The following CCNJL variants were observed in gnomAD, a reference collection of about 807,000 sequenced individuals.
The protein encoded by CCNJL is cyclin J like.
Under a neutral mutation model 33.4 loss-of-function variants are expected in CCNJL, and 33 were observed. The ratio of observed to expected loss-of-function variants is 0.99; its 90% confidence interval spans 0.75 to 1.32. The LOEUF is 1.32. Ranked by LOEUF, CCNJL falls within the 40% of genes most tolerant of loss-of-function variation. The probability of loss-of-function intolerance (pLI) is 0.00; values close to 1 mark genes in which losing one functional copy is unlikely to be tolerated. For missense variants in CCNJL, 512 were observed against 499.7 expected, an observed-to-expected ratio of 1.02 and a Z score of -0.23; for synonymous variants, 227 against 220.9, an observed-to-expected ratio of 1.03 and a Z score of -0.24.
At chr5:160,330,766 C>T (rs1442906487) in intron 1 of CCNJL, among the ~76,000 whole-genome samples, 14 of 151,964 alleles carry the variant, frequency 9.2e-5, no homozygotes, top group Admixed American at 9.2e-4. Context: ...TGGGTTCAAG[C>T]AGTTCTCCTG....
intron 2 of CCNJL, among the ~76,000 whole-genome samples, chr5:160,290,932 G>A (rs2113388678): frequency 6.6e-6 from 1 of 151,480 alleles, no homozygotes; most frequent in Non-Finnish European, 1.5e-5. Context: ...GCAGGGGCTG[G>A]GTGCAGTGAC....
intron 2 of CCNJL, among the ~76,000 whole-genome samples, chr5:160,288,849 A>G (rs1762493860): frequency 6.6e-6 from 1 of 151,818 alleles, no homozygotes. Context: ...AAAAAAAAAA[A>G]AAAGAATAAC....
At chr5:160,279,790 C>T (rs1429999812) in intron 3 of CCNJL, among the ~76,000 whole-genome samples, 1 of 152,162 alleles carries the variant, frequency 6.6e-6, no homozygotes. Flanking sequence ...GGCAAAGAGG[C>T]AGGAACTCAA....
chr5:160,317,915 C>G (rs1447738790), upstream of CCNJL, among the ~76,000 whole-genome samples: 5 of 152,124 alleles, frequency 3.3e-5, no homozygotes. Context: ...ACTGGAGTCC[C>G]TTGTTCTTCC....
At position 160,259,590 on chromosome 5, in the gene CCNJL, G is replaced by A; in HGVS notation, c.462C>T (p.Tyr154=). The A allele has an allele frequency of 6.2e-7, 1 of 1,614,220 alleles. No individual in the cohort carries two copies. The highest frequency in any genetic ancestry group is 8.5e-7 in the Non-Finnish European group (1 of 1,180,038). Residue 154 remains tyrosine (Y), a synonymous_variant, in exon 4 of 6, where the codon TAC becomes TAT. Transcript: ENST00000257536. ...CCTTCTGGCTGACGGAGGCCAAGAG[G>A]TAGTAGTCCAGGAAGTGGGCAGGCG... ...LPTPAHFLDY[Y]LLASVSQKDH... is the part of the protein sequence containing the mutation.
chr5:160,287,834 T>C (rs1052037601), intron 2 of CCNJL, among the ~76,000 whole-genome samples: 3 of 151,510 alleles, frequency 2.0e-5, no homozygotes, highest in Admixed American at 1.3e-4. Flanking sequence ...TCAGCATGCC[T>C]GGCAGGGCCA....
At chr5:160,300,636 G>T (rs1212015897) in intron 2 of CCNJL, among the ~76,000 whole-genome samples, 1 of 152,062 alleles carries the variant, frequency 6.6e-6, no homozygotes, top group Non-Finnish European at 1.5e-5. Context: ...AAAGCCAAAA[G>T]ATTGGACACC....
At chr5:160,337,801 G>C (rs148875098) in intron 1 of CCNJL, among the ~76,000 whole-genome samples, 1 of 152,308 alleles carries the variant, frequency 6.6e-6, no homozygotes, top group East Asian at 1.9e-4. Context: ...ATGTGAACCT[G>C]AAAGAACCAA....
At chr5:160,315,740 C>A (rs1280857549), upstream of CCNJL, among the ~76,000 whole-genome samples, 2 of 151,946 alleles carry the variant, frequency 1.3e-5, no homozygotes, top group Non-Finnish European at 2.9e-5. Context: ...TATTTCATAA[C>A]CAGAAAAAAA....
In CCNJL at chr5:160,253,795, C is replaced by T; in HGVS notation, c.747G>A (p.Val249=). ...LSTCIEILLV[V]YDNVLKDAVA... ...CGGCATCCTTGAGGACGTTGTCATA[C>T]ACTCTGAAACGAGAAGACCTGGGTG... Residue 249 remains valine (V), a synonymous_variant, in exon 6 of 6, where the codon GTG becomes GTA. Coordinates refer to ENST00000257536, the MANE Select transcript of CCNJL (RefSeq NM_001308173.3). 6.7e-7 allele frequency: 1 copy of T among 1,502,960 alleles called. No individual in the cohort carries two copies. The highest frequency in any genetic ancestry group is 8.8e-7 in the Non-Finnish European group (1 of 1,130,738). The allele number at this position is 1,502,960 out of a possible 1,614,324, so 93.1% of individuals were successfully genotyped here.
chr5:160,280,859 T>G, intron 2 of CCNJL, 121 bp from the exon 3 acceptor site: 1 of 752,222 alleles, frequency 1.3e-6, no homozygotes, highest in Non-Finnish European at 2.3e-6. Context: ...ATACCCTTCT[T>G]AGTTTTCCTG....
intron 2 of CCNJL, among the ~76,000 whole-genome samples, chr5:160,281,918 A>T (rs1762228536): frequency 6.6e-6 from 1 of 152,204 alleles, no homozygotes; most frequent in African/African-American, 2.4e-5. Flanking sequence ...GGCCTCCTAA[A>T]GCGCTGGGAT....
chr5:160,253,272 T>C lies in CCNJL; in HGVS notation c.*106A>G. 1 of 1,116,656 alleles carries C rather than the reference T, an allele frequency of 9.0e-7. No homozygotes were observed. 69.2% of individuals were successfully genotyped at this position (1,116,656 alleles called of 1,614,324 possible). A position where few individuals can be genotyped will look rare whatever the true frequency, so the allele number is the denominator to read the frequency against. On this transcript the variant is annotated 3_prime_UTR_variant, in exon 6 of 6. Transcript: ENST00000257536. ...GCACAGACCCTCCACGTTCCAAGGC[T>C]CTTCAGGGATGGCCTCCTGCTGCCT... is the stretch of plus-strand genomic sequence containing the variant.
intron 3 of CCNJL, among the ~76,000 whole-genome samples, chr5:160,279,507 G>T (rs1243519965): frequency 6.6e-6 from 1 of 152,150 alleles, no homozygotes; most frequent in African/African-American, 2.4e-5. Flanking sequence ...TTCCATCCCT[G>T]AAACTTGCTA....
intron 4 of CCNJL, chr5:160,258,215 A>AT (rs34177969): frequency 0.027 from 13,972 of 512,878 alleles, no homozygotes; most frequent in East Asian, 0.046. Context: ...TATCAACAGT[A>AT]TTTTTTTTTT....
At chr5:160,316,015 T>C (rs1391545229), upstream of CCNJL, among the ~76,000 whole-genome samples, 1 of 152,218 alleles carries the variant, frequency 6.6e-6, no homozygotes, top group Non-Finnish European at 1.5e-5. Context: ...TGGGCTTTTC[T>C]CCAGGGGTAT....
chr5:160,291,192 T>C (rs904950434), intron 2 of CCNJL, among the ~76,000 whole-genome samples: 1 of 151,966 alleles, frequency 6.6e-6, no homozygotes, highest in African/African-American at 2.4e-5. Flanking sequence ...CAACAGTGGG[T>C]TTCCACGGAA....
At chr5:160,273,380 C>T (rs185277388) in intron 3 of CCNJL, among the ~76,000 whole-genome samples, 64 of 152,286 alleles carry the variant, frequency 4.2e-4, no homozygotes, top group African/African-American at 1.5e-3. Context: ...ACATCACAGC[C>T]TTCTTGACCT....
At chr5:160,336,503 A>G (rs1763685437) in intron 1 of CCNJL, among the ~76,000 whole-genome samples, 1 of 152,238 alleles carries the variant, frequency 6.6e-6, no homozygotes, top group Non-Finnish European at 1.5e-5. Context: ...GATCCTTCAG[A>G]GTAAGCGCGG....
Sources: gnomAD v4.1 joint callset for allele counts (sites outside exome capture counted in the v4.1 genomes callset) on GRCh38, gnomAD v4.1.1 for gene constraint, MANE v1.5 for transcripts, NCBI Gene and HGNC (gene_info 2026-07-23, HGNC 2026-07-21) for gene names.